The following CFAP99 variants were observed in gnomAD, a reference collection of about 807,000 sequenced individuals.
The protein encoded by CFAP99 is cilia and flagella associated protein 99, also known as cilia- and flagella-associated protein 99.
In CFAP99, 84 loss-of-function variants were observed where a neutral mutation model predicts 82.7. That is an observed-to-expected ratio of 1.02 (90% confidence interval 0.85 to 1.22). The LOEUF is 1.22. Ranked by LOEUF, CFAP99 falls within the 50% of genes most tolerant of loss-of-function variation. The pLI is 0.00. For synonymous variants in CFAP99, 456 were observed against 429.5 expected (o/e 1.06, Z -0.76); for missense variants, 1,059 against 983.5 (o/e 1.08, Z -1.03).
At chr4:2,428,021 CA>C (rs141209202) in intron 2 of CFAP99, 3,050 of 152,820 alleles carry the variant, frequency 0.02, 78 homozygotes, top group African/African-American at 0.064. Context: ...TCCACTTCAG[CA>C]CCCTCTGGCC....
At chr4:2,438,217 T>C in intron 4 of CFAP99, 53 bp downstream of exon 4, 1 of 1,016,772 alleles carries the variant, frequency 9.8e-7, no homozygotes, top group Non-Finnish European at 1.5e-6. Context: ...GTGAGGTCCG[T>C]CTGATCCTCG....
intron 6 of CFAP99, 37 bp downstream of exon 6, chr4:2,445,345 G>C: frequency 7.7e-7 from 1 of 1,297,946 alleles, no homozygotes; most frequent in East Asian, 3.1e-5. Context: ...CTGGCTTGCA[G>C]GCATCAGGGT....
At position 2,462,701 on chromosome 4, in the gene CFAP99, G is replaced by T. The variant is rs974269108; in HGVS notation, c.1920G>T (p.Arg640=). Residue 640 remains arginine, a synonymous_variant, in exon 15 of 15, where the codon CGG becomes CGT. Coordinates refer to ENST00000635017, the Ensembl canonical transcript of CFAP99. The surrounding 1 kb of genome is among the most constrained non-coding windows in gnomAD (Gnocchi z 4.1). ...GCGCAGGGACCGGCGTCCCGGGGCG[G>T]GGATGGCGGGGAGATCGGGTCCGGT... 2.1e-5 allele frequency: 26 copies of T among 1,253,194 alleles called. No homozygotes were observed. In the African/African-American group the frequency reaches 3.6e-4, roughly 17 times the overall value. 77.6% of individuals were successfully genotyped at this position (1,253,194 alleles called of 1,614,324 possible).
intron 6 of CFAP99, 108 bp from the exon 7 acceptor site, chr4:2,449,562 C>A: frequency 2.0e-6 from 2 of 994,850 alleles, no homozygotes; most frequent in Admixed American, 2.1e-5. Flanking sequence ...CAGGCCGCCA[C>A]CACCCTCCCC....
chr4:2,458,840 C>A (rs1315134341), exon 12 of CFAP99: 1 of 1,535,624 alleles, frequency 6.5e-7, no homozygotes. Flanking sequence ...CCAGACGAAG[C>A]TCGCGAAGGG....
intron 6 of CFAP99, among the ~76,000 whole-genome samples, chr4:2,445,796 A>G (rs941258280): frequency 6.6e-6 from 1 of 152,208 alleles, no homozygotes; most frequent in Non-Finnish European, 1.5e-5. Flanking sequence ...GGCTTAGAAA[A>G]TAGAGCACAG....
At chr4:2,450,000 G>A (rs1734265864) in exon 8 of CFAP99, 40 of 1,536,154 alleles carry the variant, frequency 2.6e-5, no homozygotes, top group Middle Eastern at 1.7e-4. Context: ...CAGGGAGCGA[G>A]TGCAGGTACC....
chr4:2,423,787 G>A (rs1427804049), intron 1 of CFAP99, among the ~76,000 whole-genome samples: 1 of 152,088 alleles, frequency 6.6e-6, no homozygotes, highest in Non-Finnish European at 1.5e-5. Context: ...TGTTCTCCAA[G>A]CCAGCAGCAT....
rs1480141563 is a variant in CFAP99 at position 2,438,176 on chromosome 4, C to T, written c.351+12C>T. Reference sequence around the variant, plus strand: ...ATAAGATGTGCAAGGTGAGCCACCCCTACCTGCCCACCAGGCCACGAGGCC... The same window carrying T: ...ATAAGATGTGCAAGGTGAGCCACCCTTACCTGCCCACCAGGCCACGAGGCC... On this transcript the variant is annotated intron_variant, in intron 4 of 14. Coordinates refer to ENST00000635017, the Ensembl canonical transcript of CFAP99. 2 of 1,499,780 alleles carry T rather than the reference C, an allele frequency of 1.3e-6. No individual in the cohort carries two copies. The highest frequency in any genetic ancestry group is 2.8e-5 in the African/African-American group (2 of 72,252). The allele number at this position is 1,499,780 out of a possible 1,614,324, so 92.9% of individuals were successfully genotyped here.
At chr4:2,430,114 T>C (rs952078100) in intron 2 of CFAP99, among the ~76,000 whole-genome samples, 13 of 139,096 alleles carry the variant, frequency 9.3e-5, no homozygotes, top group East Asian at 2.2e-4. Context: ...TGCCAGAAAA[T>C]TACGCAATAC....
At chr4:2,445,832 T>C (rs905162052) in intron 6 of CFAP99, among the ~76,000 whole-genome samples, 2 of 152,154 alleles carry the variant, frequency 1.3e-5, no homozygotes, top group African/African-American at 4.8e-5. Context: ...TGAAGTAGGA[T>C]AGGCTTCAGG....
intron 1 of CFAP99, 146 bp downstream of exon 1, chr4:2,419,239 T>C (rs1733472294): frequency 6.7e-6 from 1 of 149,274 alleles, no homozygotes; most frequent in African/African-American, 2.5e-5. Flanking sequence ...GAACGGTGCC[T>C]CTTTTTTTTT....
At chr4:2,450,305 T>C (rs1560386969) in intron 8 of CFAP99, 1 of 436,042 alleles carries the variant, frequency 2.3e-6, no homozygotes, top group Non-Finnish European at 4.2e-6. Flanking sequence ...CATGTCTCTG[T>C]AAGGAAAAAA....
intron 12 of CFAP99, 119 bp from the exon 13 acceptor site, chr4:2,458,988 T>A: frequency 1.4e-6 from 2 of 1,445,686 alleles, no homozygotes; most frequent in Non-Finnish European, 1.8e-6. Context: ...AGGGAGGCAC[T>A]CCCAGGTGGC....
chr4:2,426,752 C>T (rs866972827), intron 2 of CFAP99, 166 bp downstream of exon 2: 10 of 597,592 alleles, frequency 1.7e-5, no homozygotes, highest in Middle Eastern at 8.9e-4. Context: ...GGAGGTGCTC[C>T]TGGCACCCAG....
At chr4:2,445,092 G>A (rs550157284) in intron 5 of CFAP99, 39 bp from the exon 6 acceptor site, 7 of 1,297,208 alleles carry the variant, frequency 5.4e-6, no homozygotes, top group Middle Eastern at 2.0e-4. Context: ...AACAGCTTAG[G>A]GAGTGACCAT....
At chr4:2,436,188 T>C (rs1478577629) in intron 2 of CFAP99, among the ~76,000 whole-genome samples, 3 of 152,122 alleles carry the variant, frequency 2.0e-5, no homozygotes, top group Non-Finnish European at 2.9e-5. Flanking sequence ...TTCCTTCTGC[T>C]TTGTGAGACA....
intron 2 of CFAP99, among the ~76,000 whole-genome samples, chr4:2,431,433 T>A (rs1733799286): frequency 6.6e-6 from 1 of 152,182 alleles, no homozygotes; most frequent in Non-Finnish European, 1.5e-5. Flanking sequence ...AAATATGGTC[T>A]GTGCAGATGT....
At position 2,458,017 on chromosome 4, in the gene CFAP99, C is replaced by A. The variant is rs59598923; in HGVS notation, c.1162-706C>A. On this transcript the variant is annotated intron_variant, in intron 11 of 14. Coordinates refer to ENST00000635017, the Ensembl canonical transcript of CFAP99. ...CCCAAGCGGGAGCCTTTTCTGTGGA[C>A]TGCTGCTGCCTCCCTGATTCCACGT... 5.4e-3 allele frequency among the ~76,000 whole-genome samples: 821 copies of A among 152,324 alleles called. 8 individuals are homozygous for A. The highest frequency in any genetic ancestry group is 0.019 in the African/African-American group (789 of 41,578).
Sources: gnomAD v4.1 joint callset for allele counts (sites outside exome capture counted in the v4.1 genomes callset) on GRCh38, gnomAD v4.1.1 for gene constraint, Gnocchi (gnomAD v3.1) non-coding constraint, MANE v1.5 for transcripts, NCBI Gene and HGNC (gene_info 2026-07-23, HGNC 2026-07-21) for gene names.